The following ANKS1B variants were observed in gnomAD, a reference collection of about 807,000 sequenced individuals.
The protein encoded by ANKS1B is ankyrin repeat and sterile alpha motif domain-containing protein 1B.
ANKS1B carries 36 observed loss-of-function variants against 148.3 expected under a neutral mutation model. The observed-to-expected ratio is 0.24, with a 90% CI of 0.19 to 0.32. The LOEUF is 0.32. Among genes scored for constraint, ANKS1B ranks in the 10% least tolerant of loss-of-function variants. The pLI is 1.00. For missense variants in ANKS1B, 1,157 were observed against 1,542.6 expected, an observed-to-expected ratio of 0.75 and a Z score of 4.19; for synonymous variants, 542 against 560.8, an observed-to-expected ratio of 0.97 and a Z score of 0.47.
At chr12:99,404,287 A>C (rs1244389324) in intron 11 of ANKS1B, among the ~76,000 whole-genome samples, 1 of 146,004 alleles carries the variant, frequency 6.8e-6, no homozygotes, top group Admixed American at 6.8e-5. Flanking sequence ...TATTTTACCT[A>C]TGTAACCTGC....
rs921321314 is a variant in ANKS1B, at chr12:98,956,589, C to T, written c.2778+96568G>A. On this transcript the variant is annotated intron_variant, in intron 17 of 26. Transcript: ENST00000683438. ...ACTCCTATCCATTGGCCAGATTATA[C>T]TACCTGTAGTTAGTTAACTTATTCA... Among the ~76,000 whole-genome samples, 3 of 146,812 alleles carry T rather than the reference C, an allele frequency of 2.0e-5. No homozygotes were observed. The South Asian group carries it at 6.8e-4, about 33-fold the overall frequency.
chr12:99,649,693 TA>T, intron 9 of ANKS1B: 1 of 299,728 alleles, frequency 3.3e-6, no homozygotes, highest in East Asian at 7.3e-5. Context: ...ATTCTTGTCC[TA>T]AAAGGGTACT....
chr12:99,780,050 T>C (rs1455803238), intron 5 of ANKS1B, 78 bp from the exon 6 acceptor site: 1 of 1,029,810 alleles, frequency 9.7e-7, no homozygotes, highest in Non-Finnish European at 1.5e-6. Flanking sequence ...CTAACTGCTG[T>C]AATTTCAGAC....
intron 12 of ANKS1B, among the ~76,000 whole-genome samples, chr12:99,390,103 G>T (rs1479850209): frequency 6.6e-6 from 1 of 152,110 alleles, no homozygotes; most frequent in East Asian, 1.9e-4. Context: ...TTGTTGCCTA[G>T]ATCTTTAGTA....
chr12:98,924,282 A>G (rs1178267463), intron 17 of ANKS1B, among the ~76,000 whole-genome samples: 1 of 152,192 alleles, frequency 6.6e-6, no homozygotes, highest in Non-Finnish European at 1.5e-5. Flanking sequence ...ACATTACCAG[A>G]GAATAGACTT....
intron 17 of ANKS1B, chr12:99,048,568 T>G (rs1274836900): frequency 6.6e-6 from 1 of 152,662 alleles, no homozygotes; most frequent in Non-Finnish European, 1.5e-5. Context: ...TGTAGTATAA[T>G]TCTATCCCAG....
At chr12:98,837,383 T>C (rs550834901) in intron 17 of ANKS1B, among the ~76,000 whole-genome samples, 2 of 151,196 alleles carry the variant, frequency 1.3e-5, no homozygotes, top group African/African-American at 4.9e-5. Flanking sequence ...AGTTATGGCA[T>C]GTGTTCTTAA....
At chr12:99,054,000 CT>C (rs1190737678) in intron 16 of ANKS1B, among the ~76,000 whole-genome samples, 2 of 152,138 alleles carry the variant, frequency 1.3e-5, no homozygotes, top group African/African-American at 4.8e-5. Context: ...CATAATGTTT[CT>C]GAGTTTAAAT....
rs1179161966 is a variant in ANKS1B, at chr12:99,930,420, G to A, written c.134+53684C>T. ...TGGGCTGAGACAATGGGGTTTTCTA[G>A]ATATACAATCATGTCATCTGCAAAC... On this transcript the variant is annotated intron_variant, in intron 1 of 26. Transcript: ENST00000683438. 2.6e-5 allele frequency among the ~76,000 whole-genome samples: 4 copies of A among 152,140 alleles called. No homozygotes were observed. The East Asian group carries it at 7.7e-4, about 29-fold the overall frequency.
chr12:99,825,527 T>A, intron 1 of ANKS1B, 138 bp from the exon 2 acceptor site: 1 of 609,332 alleles, frequency 1.6e-6, no homozygotes, highest in South Asian at 2.0e-5. Flanking sequence ...ATTGCCATCT[T>A]CTATGAATTC....
intron 9 of ANKS1B, among the ~76,000 whole-genome samples, chr12:99,590,258 C>CCACACACA (rs374132496): frequency 1.9e-4 from 25 of 132,860 alleles, no homozygotes; most frequent in South Asian, 1.5e-3. Context: ...CCACACCCAC[C>CCACACACA]CACACACACA....
intron 17 of ANKS1B, chr12:98,895,206 A>T: frequency 1.0e-6 from 1 of 985,066 alleles, no homozygotes; most frequent in African/African-American, 1.8e-5. Flanking sequence ...GGCGCCTAGC[A>T]CTGGGGGTTG....
At chr12:99,260,311 C>T (rs886643579) in intron 12 of ANKS1B, among the ~76,000 whole-genome samples, 1 of 152,140 alleles carries the variant, frequency 6.6e-6, no homozygotes, top group Non-Finnish European at 1.5e-5. Context: ...ATAACCACTC[C>T]GATTCAATTT....
intron 15 of ANKS1B, among the ~76,000 whole-genome samples, chr12:99,115,769 T>TA (rs1412392670): frequency 6.6e-6 from 1 of 151,536 alleles, no homozygotes; most frequent in African/African-American, 2.4e-5. Context: ...TGTCTCTACT[T>TA]AAAAAATACA....
chr12:99,579,734 C>T (rs1319400159), intron 9 of ANKS1B, among the ~76,000 whole-genome samples: 4 of 152,150 alleles, frequency 2.6e-5, no homozygotes, highest in African/African-American at 9.7e-5. Flanking sequence ...AAAGGGAATG[C>T]TCATACTTTA....
At chr12:99,425,933 T>C (rs2095245162) in intron 11 of ANKS1B, among the ~76,000 whole-genome samples, 1 of 152,180 alleles carries the variant, frequency 6.6e-6, no homozygotes, top group African/African-American at 2.4e-5. Context: ...TATTTATCTT[T>C]TCCTTTGGTA....
chr12:99,652,425 A>G (rs2098426288), intron 9 of ANKS1B, among the ~76,000 whole-genome samples: 1 of 151,976 alleles, frequency 6.6e-6, no homozygotes, highest in Non-Finnish European at 1.5e-5. Context: ...GTGATCCAAG[A>G]TCGTACCACT....
intron 17 of ANKS1B, among the ~76,000 whole-genome samples, chr12:99,026,023 G>C (rs2099948545): frequency 6.6e-6 from 1 of 152,146 alleles, no homozygotes; most frequent in Admixed American, 6.5e-5. Flanking sequence ...AACACACAAA[G>C]AAATAAATTC....
intron 15 of ANKS1B, among the ~76,000 whole-genome samples, chr12:99,098,110 T>C (rs954592227): frequency 3.3e-5 from 5 of 152,198 alleles, no homozygotes; most frequent in East Asian, 1.9e-4. Context: ...TGAACAATTC[T>C]ATAAAATAGA....
Sources: allele counts gnomAD v4.1 joint callset (sites outside exome capture counted in the v4.1 genomes callset), GRCh38; gene constraint gnomAD v4.1.1; transcripts MANE v1.5; gene names NCBI Gene and HGNC (gene_info 2026-07-23, HGNC 2026-07-21).